GPHN: variants seen among roughly 807,000 people sequenced by gnomAD.
The protein encoded by GPHN is gephyrin.
A neutral mutation model predicts 95.5 loss-of-function variants in GPHN; 17 were observed. The ratio of observed to expected loss-of-function variants is 0.18; its 90% CI spans 0.12 to 0.27. The LOEUF is 0.27. Ranked by LOEUF, GPHN falls within the 10% of genes least tolerant of loss-of-function variation. GPHN has a pLI of 1.00. For synonymous variants in GPHN, 320 were observed against 322.5 expected, an observed-to-expected ratio of 0.99 and a Z score of 0.08; for missense variants, 660 against 978.1, an observed-to-expected ratio of 0.67 and a Z score of 4.34.
At chr14:67,397,867 G>A in the GPHN span, 633 of 1,544,034 alleles carry the variant, frequency 4.1e-4, no homozygotes, top group Non-Finnish European at 5.4e-4. Context: ...GGCGGTCAGT[G>A]GGAGGGTATG....
intron 8 of GPHN, among the ~76,000 whole-genome samples, chr14:66,956,432 C>T (rs907317732): frequency 6.6e-6 from 1 of 151,860 alleles, no homozygotes; most frequent in African/African-American, 2.4e-5. Context: ...ATGGTATTTC[C>T]AGTTCTAGAT....
At chr14:67,264,926 G>A in the GPHN span, among the ~76,000 whole-genome samples, 1 of 151,944 alleles carries the variant, frequency 6.6e-6, no homozygotes, top group Non-Finnish European at 1.5e-5. Flanking sequence ...AGAATTGTCA[G>A]GAATCATATT....
chr14:67,073,578 A>T (rs535430820), intron 11 of GPHN, among the ~76,000 whole-genome samples: 37 of 152,328 alleles, frequency 2.4e-4, no homozygotes, highest in African/African-American at 8.7e-4. Context: ...TGTAACACAG[A>T]TGGAAGTTGT....
intron 1 of GPHN, among the ~76,000 whole-genome samples, chr14:66,546,374 C>A (rs1207586786): frequency 6.6e-6 from 1 of 152,122 alleles, no homozygotes; most frequent in African/African-American, 2.4e-5. Context: ...GGGGTGGCGG[C>A]CGGGCAGAGG....
At chr14:67,024,543 G>A (rs114938055) in intron 10 of GPHN, among the ~76,000 whole-genome samples, 1 of 152,284 alleles carries the variant, frequency 6.6e-6, no homozygotes, top group African/African-American at 2.4e-5. Flanking sequence ...TTATTTTTGT[G>A]TTATACTCCT....
rs879442347 is a variant in GPHN at position 67,081,822 on chromosome 14, C to G, written c.1145-7161C>G. On this transcript the variant is annotated intron_variant, in intron 11 of 22. Transcript: ENST00000478722. ...GTTTCATTCTTCTACATGTGACTTG[C>G]CAATTATCCCAGCACCATTTGTTGA... Among the ~76,000 whole-genome samples the G allele has an allele frequency of 2.0e-5, 3 of 152,268 alleles. No individual in the cohort carries two copies. The East Asian group carries it at 5.8e-4, about 29-fold the overall frequency.
intron 1 of GPHN, among the ~76,000 whole-genome samples, chr14:66,676,893 G>GTTC: frequency 6.6e-6 from 1 of 151,882 alleles, no homozygotes; most frequent in East Asian, 1.9e-4. Flanking sequence ...CAAAATAGAT[G>GTTC]TTCTTCTTTT....
chr14:67,301,814 T>G, the GPHN span, among the ~76,000 whole-genome samples: 1 of 152,216 alleles, frequency 6.6e-6, no homozygotes, highest in African/African-American at 2.4e-5. Context: ...TTCCAGAGTA[T>G]GCCCTTAGTA....
At chr14:66,641,163 A>G (rs1279747031) in intron 1 of GPHN, among the ~76,000 whole-genome samples, 2 of 152,184 alleles carry the variant, frequency 1.3e-5, no homozygotes, top group African/African-American at 4.8e-5. Flanking sequence ...ATGATGGTTC[A>G]ACTTACAATT....
At chr14:67,193,012 CTAGA>C in the GPHN span, among the ~76,000 whole-genome samples, 7 of 144,394 alleles carry the variant, frequency 4.8e-5, no homozygotes, top group African/African-American at 1.8e-4. Flanking sequence ...ATATCAATAT[CTAGA>C]TATAGATATA....
the GPHN span, chr14:67,323,677 T>TA: frequency 9.0e-7 from 1 of 1,105,354 alleles, no homozygotes; most frequent in African/African-American, 1.6e-5. Context: ...CAAATTATTT[T>TA]AAAAATCAAA....
the GPHN span, chr14:67,656,990 G>C: frequency 2.4e-3 from 375 of 155,132 alleles, 1 homozygote; most frequent in African/African-American, 8.3e-3. Context: ...TAGTGCTATG[G>C]GCAAACCAAC....
At chr14:66,566,471 G>A (rs2060467058) in intron 1 of GPHN, among the ~76,000 whole-genome samples, 1 of 152,104 alleles carries the variant, frequency 6.6e-6, no homozygotes, top group South Asian at 2.1e-4. Flanking sequence ...GACAGGGTCT[G>A]TAACACAAAG....
At chr14:67,586,063 T>A in the GPHN span, 1 of 1,613,978 alleles carries the variant, frequency 6.2e-7, no homozygotes, top group Non-Finnish European at 8.5e-7. Context: ...AAAAGCCACA[T>A]TGAGAAGTTG....
At chr14:66,526,365 C>T (rs930238639) in intron 1 of GPHN, among the ~76,000 whole-genome samples, 6 of 152,142 alleles carry the variant, frequency 3.9e-5, no homozygotes, top group Admixed American at 2.6e-4. Flanking sequence ...TGCTTATCAG[C>T]TTAAGGAGAT....
At chr14:67,730,514 T>C in the GPHN span, among the ~76,000 whole-genome samples, 1 of 152,262 alleles carries the variant, frequency 6.6e-6, no homozygotes, top group Non-Finnish European at 1.5e-5. Context: ...TTTCGGGTTT[T>C]AGATTTTTGG....
the GPHN span, among the ~76,000 whole-genome samples, chr14:67,534,223 T>C: frequency 6.6e-6 from 1 of 152,054 alleles, no homozygotes; most frequent in African/African-American, 2.4e-5. Context: ...AGAACATCGG[T>C]ATTAGTGTTT....
chr14:67,277,157 ATAACT>A, the GPHN span, among the ~76,000 whole-genome samples: 3 of 152,236 alleles, frequency 2.0e-5, no homozygotes, highest in Non-Finnish European at 4.4e-5. Context: ...AATGCCTAAC[ATAACT>A]TAAGAATTGC....
the GPHN span, among the ~76,000 whole-genome samples, chr14:67,539,001 A>G: frequency 1.1e-3 from 163 of 152,338 alleles, no homozygotes; most frequent in Non-Finnish European, 2.0e-3. Flanking sequence ...GAGGGAATCA[A>G]TATTAATCAA....
Sources: gnomAD v4.1 joint callset for allele counts (sites outside exome capture counted in the v4.1 genomes callset) on GRCh38, gnomAD v4.1.1 for gene constraint, MANE v1.5 for transcripts, NCBI Gene and HGNC (gene_info 2026-07-23, HGNC 2026-07-21) for gene names.